Variants in RAP1A observed in about 807,000 individuals in gnomAD.
The protein encoded by RAP1A is RAP1A, member of RAS oncogene family, also known as ras-related protein Rap-1A.
A neutral mutation model predicts 26.4 loss-of-function variants in RAP1A; 6 were observed. The observed-to-expected ratio is 0.23, with a 90% CI of 0.12 to 0.45. RAP1A has a LOEUF of 0.45. Ranked by LOEUF, RAP1A falls within the 20% of genes least tolerant of loss-of-function variation. The pLI, the probability that RAP1A is intolerant of heterozygous loss-of-function variation, is 0.99. For missense variants in RAP1A, 121 were observed against 217.2 expected, an observed-to-expected ratio of 0.56 and a Z score of 2.78; for synonymous variants, 73 against 79.4, an observed-to-expected ratio of 0.92 and a Z score of 0.43.
intron 1 of RAP1A, among the ~76,000 whole-genome samples, chr1:111,596,499 A>G (rs1005825652): frequency 8.5e-5 from 13 of 152,252 alleles, no homozygotes; most frequent in Middle Eastern, 3.2e-3. Flanking sequence ...AATATCAGGG[A>G]CCATGTCTGT....
intron 2 of RAP1A, among the ~76,000 whole-genome samples, chr1:111,693,139 C>T (rs1312196849): frequency 6.6e-6 from 1 of 151,942 alleles, no homozygotes; most frequent in East Asian, 1.9e-4. Context: ...TACTTGATTC[C>T]TCAAAAGTCA....
chr1:111,546,559 A>T (rs1253727721), intron 1 of RAP1A, among the ~76,000 whole-genome samples: 2 of 152,148 alleles, frequency 1.3e-5, no homozygotes, highest in African/African-American at 2.4e-5. Flanking sequence ...ACTTAGCATA[A>T]TGTCCTTAAG....
intron 1 of RAP1A, among the ~76,000 whole-genome samples, chr1:111,584,536 C>T (rs1192631482): frequency 1.3e-5 from 2 of 152,102 alleles, no homozygotes; most frequent in Non-Finnish European, 2.9e-5. Context: ...AGGTGGAGCC[C>T]TCATGAGTTA....
intron 1 of RAP1A, among the ~76,000 whole-genome samples, chr1:111,585,656 C>G (rs1571484190): frequency 6.6e-6 from 1 of 152,164 alleles, no homozygotes; most frequent in Non-Finnish European, 1.5e-5. Flanking sequence ...CCTGGGCTAG[C>G]CACCCACCTC....
chr1:111,674,953 TATTA>T (rs1304104718), intron 1 of RAP1A, among the ~76,000 whole-genome samples: 1 of 152,182 alleles, frequency 6.6e-6, no homozygotes, highest in African/African-American at 2.4e-5. Context: ...AATCTAATCA[TATTA>T]ATTGTTTTTA....
At chr1:111,581,082 TGCCTGGGCCC>T (rs1658249566) in intron 1 of RAP1A, among the ~76,000 whole-genome samples, 1 of 151,260 alleles carries the variant, frequency 6.6e-6, no homozygotes, top group African/African-American at 2.4e-5. Context: ...GTGGGAGCTT[TGCCTGGGCCC>T]TTTATGAAGT....
intron 1 of RAP1A, among the ~76,000 whole-genome samples, chr1:111,611,033 C>A (rs1373229428): frequency 6.6e-6 from 1 of 152,150 alleles, no homozygotes; most frequent in Non-Finnish European, 1.5e-5. Flanking sequence ...TAATAGAGCT[C>A]TATTACAAGA....
intron 1 of RAP1A, among the ~76,000 whole-genome samples, chr1:111,595,867 C>G (rs866546623): frequency 6.6e-6 from 1 of 152,162 alleles, no homozygotes; most frequent in Non-Finnish European, 1.5e-5. Context: ...AGTAAAGGAG[C>G]ATGTGCTCCA....
intron 1 of RAP1A, among the ~76,000 whole-genome samples, chr1:111,685,583 C>T (rs1661444940): frequency 6.6e-6 from 1 of 152,240 alleles, no homozygotes; most frequent in African/African-American, 2.4e-5. Context: ...GATACCATCT[C>T]ACGCCAGTTA....
intron 2 of RAP1A, among the ~76,000 whole-genome samples, chr1:111,694,506 C>T (rs1661770120): frequency 6.6e-6 from 1 of 152,114 alleles, no homozygotes; most frequent in Admixed American, 6.6e-5. Flanking sequence ...AAACCGTCTT[C>T]TGTACTTTTT....
At chr1:111,594,853 C>T (rs1658536718) in intron 1 of RAP1A, among the ~76,000 whole-genome samples, 1 of 152,092 alleles carries the variant, frequency 6.6e-6, no homozygotes, top group African/African-American at 2.4e-5. Flanking sequence ...AGACTATAAA[C>T]AATACACGAT....
intron 4 of RAP1A, among the ~76,000 whole-genome samples, chr1:111,699,463 C>CTTTTTTTTTTTT (rs11435540): frequency 8.9e-5 from 11 of 124,180 alleles, no homozygotes; most frequent in African/African-American, 3.0e-4. Context: ...CTCACTTCCT[C>CTTTTTTTTTTTT]TTTTTTTTTT....
intron 1 of RAP1A, among the ~76,000 whole-genome samples, chr1:111,688,323 CTT>C (rs755186287): frequency 1.8e-5 from 2 of 108,912 alleles, no homozygotes; most frequent in Non-Finnish European, 3.6e-5. Context: ...TTCTTTCTTT[CTT>C]TTTTTTTTTT....
intron 1 of RAP1A, among the ~76,000 whole-genome samples, chr1:111,674,289 C>CT (rs72052378): frequency 0.35 from 51,676 of 146,792 alleles, 9,147 homozygotes; most frequent in East Asian, 0.43. Flanking sequence ...ATGGACATCA[C>CT]TTTTTTTTTT....
intron 1 of RAP1A, among the ~76,000 whole-genome samples, chr1:111,600,492 G>A (rs890125850): frequency 3.9e-5 from 6 of 152,234 alleles, no homozygotes; most frequent in African/African-American, 1.4e-4. Flanking sequence ...ACGCCAGGCA[G>A]CAAGGCTGTT....
At chr1:111,692,724 TAGAG>T (rs1353673380) in intron 2 of RAP1A, among the ~76,000 whole-genome samples, 1 of 152,150 alleles carries the variant, frequency 6.6e-6, no homozygotes, top group Non-Finnish European at 1.5e-5. Flanking sequence ...GATACATTAT[TAGAG>T]AGAAAAAAGG....
At chr1:111,545,944 A>G (rs1312073177) in intron 1 of RAP1A, among the ~76,000 whole-genome samples, 4 of 152,138 alleles carry the variant, frequency 2.6e-5, no homozygotes, top group Non-Finnish European at 5.9e-5. Flanking sequence ...GGATGGATTT[A>G]TTTCTGAACT....
At chr1:111,567,328 T>C (rs1029280631) in intron 1 of RAP1A, among the ~76,000 whole-genome samples, 4 of 152,158 alleles carry the variant, frequency 2.6e-5, no homozygotes, top group African/African-American at 4.8e-5. Context: ...AAACACTAGG[T>C]AGAAAATAGG....
intron 2 of RAP1A, among the ~76,000 whole-genome samples, 196 bp from the exon 3 acceptor site, chr1:111,695,145 T>C (rs1248789965): frequency 6.6e-6 from 1 of 152,168 alleles, no homozygotes; most frequent in Non-Finnish European, 1.5e-5. Context: ...TTAACATGAC[T>C]ACCTCCTTTC....
Sources: gnomAD v4.1 joint callset for allele counts (sites outside exome capture counted in the v4.1 genomes callset) on GRCh38, gnomAD v4.1.1 for gene constraint, MANE v1.5 for transcripts, NCBI Gene and HGNC (gene_info 2026-07-23, HGNC 2026-07-21) for gene names.